The following UBL3 variants were observed in gnomAD, a reference collection of about 807,000 sequenced individuals.
The protein encoded by UBL3 is ubiquitin-like protein 3.
Under a neutral mutation model 18.4 loss-of-function variants are expected in UBL3, and 6 were observed. The ratio of observed to expected loss-of-function variants is 0.33; its 90% confidence interval spans 0.18 to 0.64. The LOEUF (loss-of-function observed/expected upper bound fraction) is 0.64. UBL3 is among the 30% of genes least tolerant of loss of function. UBL3 has a pLI of 0.76. For missense variants in UBL3, 109 were observed against 142.9 expected (o/e 0.76, Z 1.21); for synonymous variants, 49 against 46.6 (o/e 1.05, Z -0.21).
rs758454480 is a variant in UBL3, at chr13:29,802,531, G to A, written c.28-25268C>T. Among the ~76,000 whole-genome samples the A allele has an allele frequency of 3.5e-4, 54 of 152,296 alleles. 1 individual carries two copies. Among genetic ancestry groups the A allele is most frequent in the South Asian group, 1.5e-3 (7 of 4,822 alleles). The stretch of plus-strand genomic sequence containing the variant: ...AAATGAAGATCATCAAGGTTCAGGA[G>A]AAAGATGAAACCTAATCTAAGGAGT... On this transcript the variant is annotated intron_variant, in intron 1 of 4. Transcript: ENST00000380680.
intron 1 of UBL3, among the ~76,000 whole-genome samples, chr13:29,800,686 G>A (rs1219872278): frequency 2.0e-5 from 3 of 152,192 alleles, no homozygotes; most frequent in Non-Finnish European, 2.9e-5. Context: ...AATATGGATG[G>A]AATAAGTCAA....
intron 3 of UBL3, among the ~76,000 whole-genome samples, chr13:29,770,427 CA>C (rs1004854580): frequency 7.9e-5 from 12 of 151,766 alleles, no homozygotes; most frequent in Non-Finnish European, 1.6e-4. Flanking sequence ...AAACAGATTT[CA>C]AAAAAATACT....
intron 1 of UBL3, among the ~76,000 whole-genome samples, chr13:29,788,187 TTA>T (rs1207868420): frequency 6.6e-6 from 1 of 152,224 alleles, no homozygotes; most frequent in Non-Finnish European, 1.5e-5. Context: ...GATAAATCTT[TTA>T]TGTCTACACT....
chr13:29,825,175 G>C (rs141646290), intron 1 of UBL3, among the ~76,000 whole-genome samples: 1 of 152,176 alleles, frequency 6.6e-6, no homozygotes, highest in African/African-American at 2.4e-5. Context: ...GCTTAGGATT[G>C]TCTTGGCAAT....
At chr13:29,823,386 C>T (rs1878526093) in intron 1 of UBL3, among the ~76,000 whole-genome samples, 1 of 152,206 alleles carries the variant, frequency 6.6e-6, no homozygotes, top group African/African-American at 2.4e-5. Context: ...GGTGATCCGC[C>T]CGCCTTCGGC....
At chr13:29,806,025 A>G (rs927434772) in intron 1 of UBL3, among the ~76,000 whole-genome samples, 3 of 152,048 alleles carry the variant, frequency 2.0e-5, no homozygotes, top group Admixed American at 1.3e-4. Context: ...AAAATACAAA[A>G]AATTAGCTGG....
chr13:29,799,724 T>C (rs1176644981), intron 1 of UBL3, among the ~76,000 whole-genome samples: 19 of 152,210 alleles, frequency 1.2e-4, no homozygotes, highest in African/African-American at 4.3e-4. Context: ...AGAAGTTATT[T>C]CCCTCTGTTG....
intron 1 of UBL3, among the ~76,000 whole-genome samples, chr13:29,810,272 T>C (rs1593664542): frequency 6.6e-6 from 1 of 152,134 alleles, no homozygotes; most frequent in South Asian, 2.1e-4. Flanking sequence ...GGAGATTGTC[T>C]GGGCTAGAAA....
chr13:29,835,640 A>G (rs1878941685), intron 1 of UBL3, among the ~76,000 whole-genome samples: 1 of 150,498 alleles, frequency 6.6e-6, no homozygotes, highest in African/African-American at 2.4e-5. Context: ...CTGTAGTCCC[A>G]TCTACTCGGG....
At chr13:29,777,389 T>A in intron 1 of UBL3, 126 bp from the exon 2 acceptor site, 1 of 756,942 alleles carries the variant, frequency 1.3e-6, no homozygotes, top group Non-Finnish European at 2.2e-6. Flanking sequence ...GGTTTTTATT[T>A]AAATTCTATA....
intron 1 of UBL3, among the ~76,000 whole-genome samples, chr13:29,809,073 C>T (rs1477694972): frequency 6.6e-6 from 1 of 152,142 alleles, no homozygotes; most frequent in Non-Finnish European, 1.5e-5. Flanking sequence ...ACCCTAGACA[C>T]CTACTGGGTA....
chr13:29,779,179 A>G (rs1430695825), intron 1 of UBL3: 6 of 492,830 alleles, frequency 1.2e-5, no homozygotes, highest in Non-Finnish European at 2.4e-5. Context: ...CAAATCAGTA[A>G]TGAGCAATTC....
chr13:29,773,984 T>A (rs1450689345), intron 2 of UBL3, among the ~76,000 whole-genome samples: 1 of 152,184 alleles, frequency 6.6e-6, no homozygotes, highest in Non-Finnish European at 1.5e-5. Flanking sequence ...CTTTAGTACA[T>A]TATGTGATAC....
intron 1 of UBL3, among the ~76,000 whole-genome samples, chr13:29,832,000 A>G (rs1878788811): frequency 6.6e-6 from 1 of 152,226 alleles, no homozygotes; most frequent in Non-Finnish European, 1.5e-5. Flanking sequence ...CCCAATAGAC[A>G]CAAGTAGCCC....
In UBL3 at chr13:29,849,866, A is replaced by T. The variant is rs1432184535; in HGVS notation, c.-328T>A. ...GGACCGAGCCGAGTGACACACGGAC[A>T]TGGAGAGGGGTGGGAGGGGGTTAAA... On this transcript the variant is annotated 5_prime_UTR_variant, in exon 1 of 5. An upstream start codon of the reference 5' UTR is lost. Coordinates refer to ENST00000380680, the MANE Select transcript of UBL3 (RefSeq NM_007106.4). The T allele has an allele frequency of 4.0e-6, 2 of 498,742 alleles. No individual in the cohort carries two copies. The highest frequency in any genetic ancestry group is 1.9e-5 in the African/African-American group (1 of 51,580). 30.9% of individuals were successfully genotyped at this position (498,742 alleles called of 1,614,324 possible). A position where few individuals can be genotyped will look rare whatever the true frequency, so the allele number is the denominator to read the frequency against.
chr13:29,815,608 A>G (rs568882722), intron 1 of UBL3, among the ~76,000 whole-genome samples: 2 of 152,264 alleles, frequency 1.3e-5, no homozygotes, highest in East Asian at 3.9e-4. Flanking sequence ...CTGTCTTTCC[A>G]ACCCAGAACC....
Position 29,767,037 on chromosome 13 carries a change from A to T in UBL3, c.*218T>A, listed in dbSNP as rs1876707594. 6.8e-6 allele frequency: 3 copies of T among 442,772 alleles called. No homozygotes were observed. The highest frequency in any genetic ancestry group is 1.2e-5 in the Non-Finnish European group (3 of 254,232). 27.4% of individuals were successfully genotyped at this position (442,772 alleles called of 1,614,324 possible). A position where few individuals can be genotyped will look rare whatever the true frequency, so the allele number is the denominator to read the frequency against. Reference sequence around the variant, plus strand: ...TTCAAAAACCAATATGTGTTAAAACAGCTCAACAAAAAATACAAGAAATAA... The same window carrying T: ...TTCAAAAACCAATATGTGTTAAAACTGCTCAACAAAAAATACAAGAAATAA... On this transcript the variant is annotated 3_prime_UTR_variant, in exon 5 of 5. Coordinates refer to ENST00000380680, the MANE Select transcript of UBL3 (RefSeq NM_007106.4).
At chr13:29,813,746 G>A (rs1428516388) in intron 1 of UBL3, among the ~76,000 whole-genome samples, 1 of 151,974 alleles carries the variant, frequency 6.6e-6, no homozygotes, top group Non-Finnish European at 1.5e-5. Context: ...TGATGGTAGG[G>A]TCCTGAACAA....
intron 1 of UBL3, among the ~76,000 whole-genome samples, chr13:29,788,033 T>C (rs1409261271): frequency 1.3e-5 from 2 of 152,194 alleles, no homozygotes; most frequent in African/African-American, 4.8e-5. Flanking sequence ...AGCCTGAAAT[T>C]AACCAGTATT....
Sources: gnomAD v4.1 joint callset for allele counts (sites outside exome capture counted in the v4.1 genomes callset) on GRCh38, gnomAD v4.1.1 for gene constraint, MANE v1.5 for transcripts, NCBI Gene and HGNC (gene_info 2026-07-23, HGNC 2026-07-21) for gene names.